Variants in AGL observed in about 807,000 individuals in gnomAD.
AGL encodes the protein amylo-alpha-1,6-glucosidase and 4-alpha-glucanotransferase, also known as glycogen debranching enzyme.
A neutral mutation model predicts 199.3 loss-of-function variants in AGL; 128 were observed. That is an observed-to-expected ratio of 0.64 (90% CI 0.56 to 0.74). The LOEUF (loss-of-function observed/expected upper bound fraction) is 0.74, where lower values mean the gene tolerates loss of function less well. AGL is among the 30% of genes least tolerant of loss of function. AGL has a pLI of 0.00. For missense variants in AGL, 1,809 were observed against 1,820.8 expected (o/e 0.99, Z 0.12); for synonymous variants, 584 against 594.7 (o/e 0.98, Z 0.26).
intron 5 of AGL, 79 bp from the exon 6 acceptor site, chr1:99,870,321 T>C: frequency 1.4e-6 from 2 of 1,423,418 alleles, no homozygotes; most frequent in South Asian, 1.2e-5. Flanking sequence ...CTTTATATTT[T>C]ATTTCACCTC....
At chr1:99,874,531 C>A in intron 7 of AGL, 156 bp from the exon 8 acceptor site, 1 of 718,876 alleles carries the variant, frequency 1.4e-6, no homozygotes, top group Non-Finnish European at 2.3e-6. Context: ...GTGCACACAG[C>A]AGGATGAGAA....
chr1:99,891,155 C>G, intron 21 of AGL, 65 bp from the exon 22 acceptor site: 1 of 1,598,758 alleles, frequency 6.3e-7, no homozygotes, highest in Non-Finnish European at 8.6e-7. Context: ...AGAATAGGGA[C>G]TAGAGGATAT....
At chr1:99,888,294 A>G (rs1186531973) in intron 21 of AGL, among the ~76,000 whole-genome samples, 186 bp downstream of exon 21, 1 of 152,188 alleles carries the variant, frequency 6.6e-6, no homozygotes, top group Non-Finnish European at 1.5e-5. Flanking sequence ...CTGCTTCTAT[A>G]AAATTTGAAT....
chr1:99,915,388 G>GTGAAT lies in AGL; in HGVS notation c.4162-1_4162insTGAAT (p.Ala1388Ter). 1.2e-6 allele frequency: 2 copies of GTGAAT among 1,612,710 alleles called. No homozygotes were observed. The highest frequency in any genetic ancestry group is 2.2e-5 in the South Asian group (2 of 91,032). The stretch of plus-strand genomic sequence containing the variant: ...GTATATTTGTTTTTGGCATTCACTA[G>GTGAAT]GCCCCTGAGCTCTTTACTACAGAAA... On this transcript the variant is annotated stop_gained and frameshift_variant and splice_region_variant. Coordinates refer to ENST00000361915, the MANE Select transcript of AGL (RefSeq NM_000642.3). LOFTEE classifies it high-confidence loss of function.
intron 33 of AGL, among the ~76,000 whole-genome samples, chr1:99,918,987 GGTAGTTTCCTCTT>G (rs1375562294): frequency 6.6e-6 from 1 of 152,050 alleles, no homozygotes; most frequent in African/African-American, 2.4e-5. Context: ...CTTGTTCTTT[GGTAGTTTCCTCTT>G]GTGAATTTGC....
chr1:99,898,945 G>T (rs2100812011), intron 25 of AGL, among the ~76,000 whole-genome samples: 1 of 152,206 alleles, frequency 6.6e-6, no homozygotes, highest in South Asian at 2.1e-4. Context: ...GTTCCAGATG[G>T]TTAAGATTGC....
At chr1:99,859,425 T>G (rs374577444) in intron 2 of AGL, among the ~76,000 whole-genome samples, 2 of 152,152 alleles carry the variant, frequency 1.3e-5, no homozygotes, top group South Asian at 2.1e-4. Flanking sequence ...TGTAGTAGTA[T>G]TATGGTGTAT....
At chr1:99,898,792 G>A (rs544556862) in intron 25 of AGL, among the ~76,000 whole-genome samples, 3 of 152,068 alleles carry the variant, frequency 2.0e-5, no homozygotes, top group Admixed American at 6.6e-5. Context: ...CATCAGTTCT[G>A]GCCACAACCA....
At chr1:99,868,459 A>G (rs1650716188) in intron 5 of AGL, among the ~76,000 whole-genome samples, 1 of 152,000 alleles carries the variant, frequency 6.6e-6, no homozygotes, top group South Asian at 2.1e-4. Flanking sequence ...TAAAAATACA[A>G]AAATTAGCCG....
At chr1:99,884,530 A>T (rs1443774059) in intron 19 of AGL, 39 bp from the exon 20 acceptor site, 1 of 1,609,716 alleles carries the variant, frequency 6.2e-7, no homozygotes, top group East Asian at 2.2e-5. Flanking sequence ...TGAATAAATT[A>T]CTCCTAAAAA....
At chr1:99,862,477 T>C in intron 4 of AGL, 54 bp downstream of exon 4, 1 of 1,586,090 alleles carries the variant, frequency 6.3e-7, no homozygotes, top group Non-Finnish European at 8.6e-7. Context: ...GTAATTATCC[T>C]CTGTGATATA....
rs932386485 is a variant in AGL, at chr1:99,861,508, G to A, written c.88G>A (p.Glu30Lys). The A allele has an allele frequency of 1.2e-6, 2 of 1,613,718 alleles. No individual in the cohort carries two copies. Among genetic ancestry groups the A allele is most frequent in the Admixed American group, 1.7e-5 (1 of 59,996 alleles). The change falls in exon 3 of 34, where the codon GAG becomes AAG. Residue 30 changes from glutamate (E) to lysine (K), a missense_variant. Physicochemically the swap from Glu to Lys is moderately conservative, Grantham distance 56 (BLOSUM62 1). Coordinates refer to ENST00000361915, the MANE Select transcript of AGL (RefSeq NM_000642.3). ...KTLFRLEQGY[E>K]LQFRLGPTLQ... ...AACATGTGCTTTTTATTTAGGGTAT[G>A]AGCTACAGTTCCGATTAGGCCCAAC...
At chr1:99,856,294 CCCTTCCTT>C (rs1557741271) in intron 2 of AGL, among the ~76,000 whole-genome samples, 2 of 127,916 alleles carry the variant, frequency 1.6e-5, no homozygotes, top group East Asian at 5.1e-4. Context: ...AATATAACAT[CCCTTCCTT>C]CCTTCCTCCC....
chr1:99,882,538 G>T (rs939820361), intron 17 of AGL, among the ~76,000 whole-genome samples: 1 of 152,148 alleles, frequency 6.6e-6, no homozygotes, highest in Non-Finnish European at 1.5e-5. Flanking sequence ...TATGCGAATT[G>T]TCTGGATCTT....
intron 27 of AGL, among the ~76,000 whole-genome samples, chr1:99,906,842 C>T (rs1213176058): frequency 6.6e-6 from 1 of 152,122 alleles, no homozygotes; most frequent in Non-Finnish European, 1.5e-5. Context: ...CATGTGTATG[C>T]AAATATCTCT....
chr1:99,912,571 C>G, intron 29 of AGL, 54 bp downstream of exon 29: 3 of 1,240,022 alleles, frequency 2.4e-6, no homozygotes, highest in South Asian at 1.2e-5. Flanking sequence ...TGTATATTCT[C>G]AACCTATGTA....
rs141276585 is a variant in AGL, at chr1:99,852,578, G to A, written c.82+1454G>A. 317 of 510,762 alleles carry A rather than the reference G, an allele frequency of 6.2e-4. 3 individuals carry two copies. In the East Asian group the frequency reaches 8.9e-3, roughly 14 times the overall value. 31.6% of individuals were successfully genotyped at this position (510,762 alleles called of 1,614,324 possible). A position where few individuals can be genotyped will look rare whatever the true frequency, so the allele number is the denominator to read the frequency against. ...TTTTGTAGAAACTGGGTCTCACTATGTTGCCCAGGTTGATATTGAACTCCT... is the reference window on the plus strand; with the variant it reads ...TTTTGTAGAAACTGGGTCTCACTATATTGCCCAGGTTGATATTGAACTCCT... On this transcript the variant is annotated intron_variant, in intron 2 of 33. Transcript: ENST00000361915.
chr1:99,862,211 T>G, intron 3 of AGL, 46 bp from the exon 4 acceptor site: 1 of 1,588,258 alleles, frequency 6.3e-7, no homozygotes, highest in Non-Finnish European at 8.6e-7. Flanking sequence ...TGAGGATTTT[T>G]TTTCTATCAC....
At chr1:99,861,768 A>T (rs1295024559) in intron 3 of AGL, 55 bp downstream of exon 3, 1 of 1,581,560 alleles carries the variant, frequency 6.3e-7, no homozygotes, top group East Asian at 2.2e-5. Flanking sequence ...TGTAATTTGA[A>T]GTCACCTAAC....
Sources: allele counts gnomAD v4.1 joint callset (sites outside exome capture counted in the v4.1 genomes callset), GRCh38; gene constraint gnomAD v4.1.1; transcripts MANE v1.5; gene names NCBI Gene and HGNC (gene_info 2026-07-23, HGNC 2026-07-21).